The following MASP1 variants were observed in gnomAD, a reference collection of about 807,000 sequenced individuals.
MASP1 encodes the protein mannan-binding lectin serine protease 1.
In MASP1, 59 loss-of-function variants were observed where a neutral mutation model predicts 77.1. The observed-to-expected ratio is 0.77, with a 90% CI of 0.62 to 0.95. The LOEUF is 0.95. Among genes scored for constraint, MASP1 ranks in the 40% least tolerant of loss-of-function variants. MASP1 has a pLI of 0.00. For missense variants in MASP1, 885 were observed against 912.9 expected, an observed-to-expected ratio of 0.97 and a Z score of 0.39; for synonymous variants, 362 against 354.5, an observed-to-expected ratio of 1.02 and a Z score of -0.24.
intron 15 of MASP1, chr3:187,220,942 C>G (rs994374893): frequency 5.7e-5 from 58 of 1,021,116 alleles, no homozygotes; most frequent in Non-Finnish European, 8.2e-5. Context: ...CACTGCCAGC[C>G]CACCAGGTTG....
At position 187,234,559 on chromosome 3, in the gene MASP1, G is replaced by A. The variant is rs1712980182; in HGVS notation, c.*1125C>T. The A allele has an allele frequency of 7.8e-7, 1 of 1,287,238 alleles. No individual in the cohort carries two copies. Among genetic ancestry groups the A allele is most frequent in the East Asian group, 5.5e-5 (1 of 18,024 alleles). 79.7% of individuals were successfully genotyped at this position (1,287,238 alleles called of 1,614,324 possible). A position where few individuals can be genotyped will look rare whatever the true frequency, so the allele number is the denominator to read the frequency against. On this transcript the variant is annotated 3_prime_UTR_variant, in exon 11 of 11. Coordinates refer to ENST00000296280, the MANE Select transcript of MASP1 (RefSeq NM_139125.4). The stretch of plus-strand genomic sequence containing the variant: ...GGACTCCTGGCTCTTTTCACTGCCT[G>A]CCATGGGTGAGCCTCTGATTCCTTT...
In MASP1 at chr3:187,234,650, A is replaced by C; in HGVS notation, c.*1034T>G. On this transcript the variant is annotated 3_prime_UTR_variant, in exon 11 of 11. Coordinates refer to ENST00000296280, the MANE Select transcript of MASP1 (RefSeq NM_139125.4). ...GCGGGGTGGATTCTCCGCCCAGCTCATGCCCCAGGGATGCCAGGCAGCCTG... is the reference window on the plus strand; with the variant it reads ...GCGGGGTGGATTCTCCGCCCAGCTCCTGCCCCAGGGATGCCAGGCAGCCTG... The C allele has an allele frequency of 7.8e-7, 1 of 1,287,184 alleles. No homozygotes were observed. Among genetic ancestry groups the C allele is most frequent in the South Asian group, 1.2e-5 (1 of 80,934 alleles). 79.7% of individuals were successfully genotyped at this position (1,287,184 alleles called of 1,614,324 possible). A position where few individuals can be genotyped will look rare whatever the true frequency, so the allele number is the denominator to read the frequency against.
intron 5 of MASP1, among the ~76,000 whole-genome samples, chr3:187,254,158 T>C (rs1714869689): frequency 6.6e-6 from 1 of 152,158 alleles, no homozygotes; most frequent in South Asian, 2.1e-4. Flanking sequence ...AAAATAATTG[T>C]AGGCTGTCAT....
chr3:187,221,864 G>T (rs1712081238), intron 14 of MASP1, among the ~76,000 whole-genome samples: 1 of 152,134 alleles, frequency 6.6e-6, no homozygotes, highest in Non-Finnish European at 1.5e-5. Context: ...TAAAAATAAG[G>T]CATTGTGACT....
rs770855353 is a variant in MASP1, at chr3:187,241,532, CTTGGG to C, written c.1247_1251del (p.Ala416GlyfsTer6). On this transcript the variant is annotated frameshift_variant, in exon 10 of 11. Coordinates refer to ENST00000296280, the MANE Select transcript of MASP1 (RefSeq NM_139125.4). LOFTEE classifies it high-confidence loss of function. ...CCCAATACTTTATTCATCCAGACTCCTTGGGCAGAACAGGTATATATACCTGGATT... is the reference window on the plus strand; with the variant it reads ...CCCAATACTTTATTCATCCAGACTCCCAGAACAGGTATATATACCTGGATT... 6 of 1,613,548 alleles carry C rather than the reference CTTGGG, an allele frequency of 3.7e-6. No individual in the cohort carries two copies. The highest frequency in any genetic ancestry group is 3.3e-5 in the Admixed American group (2 of 59,986).
intron 6 of MASP1, among the ~76,000 whole-genome samples, chr3:187,252,020 T>C (rs140977625): frequency 1.3e-5 from 2 of 152,336 alleles, no homozygotes; most frequent in Non-Finnish European, 2.9e-5. Flanking sequence ...ATGTTAAATG[T>C]CATTAAATCC....
chr3:187,283,603 A>T (rs1390168215), intron 2 of MASP1, among the ~76,000 whole-genome samples: 1 of 152,210 alleles, frequency 6.6e-6, no homozygotes, highest in Non-Finnish European at 1.5e-5. Context: ...TGAGCAAAAA[A>T]ATTCTATAAT....
intron 2 of MASP1, among the ~76,000 whole-genome samples, chr3:187,270,522 C>G (rs1716434507): frequency 6.6e-6 from 1 of 152,144 alleles, no homozygotes; most frequent in Non-Finnish European, 1.5e-5. Context: ...CCACCATGCT[C>G]CCTGGCTATA....
intron 2 of MASP1, among the ~76,000 whole-genome samples, chr3:187,271,525 GA>G (rs1716515394): frequency 2.0e-5 from 3 of 152,144 alleles, no homozygotes; most frequent in African/African-American, 7.2e-5. Flanking sequence ...AATATTAAGT[GA>G]AAAAGCAGAA....
chr3:187,281,175 G>A (rs1270254113), intron 2 of MASP1, among the ~76,000 whole-genome samples: 1 of 152,244 alleles, frequency 6.6e-6, no homozygotes, highest in East Asian at 1.9e-4. Flanking sequence ...AGATGCTGCT[G>A]TGCAGATGTG....
chr3:187,218,181 C>G (rs191892721), exon 16 of MASP1: 3 of 152,358 alleles, frequency 2.0e-5, no homozygotes, highest in African/African-American at 7.2e-5. Context: ...CATGACTTTC[C>G]AAAGCAGCAC....
rs1711959710 is a variant in MASP1, at chr3:187,220,228, C to A, written c.1943G>T (p.Gly648Val). 14 of 1,614,148 alleles carry A rather than the reference C, an allele frequency of 8.7e-6. No homozygotes were observed. The highest frequency in any genetic ancestry group is 1.2e-5 in the Non-Finnish European group (14 of 1,180,010). ...TTCTCTATTCAGGGTCACCATGGGG[C>A]CTCCAGAGTCACCCGCACAGGCGTC... Residue 648 changes from glycine to valine, a missense_variant, in exon 16 of 16, where the codon GGC becomes GTC. Transcript: ENST00000337774.
At position 187,235,895 on chromosome 3, in the gene MASP1, G is replaced by T. The variant is rs757937866; in HGVS notation, c.1976C>A (p.Thr659Lys). ...CAGYYEGGKDTCLGDSGGAFV... is the reference protein window; with the variant it reads ...CAGYYEGGKDKCLGDSGGAFV... ...GGCCCCACCGCTATCTCCAAGGCAC[G>T]TGTCTTTGCCGCCCTCGTAGTAGCC... Residue 659 changes from threonine to lysine, a missense_variant, in exon 11 of 11, where the codon ACG becomes AAG. Coordinates refer to ENST00000296280, the MANE Select transcript of MASP1 (RefSeq NM_139125.4). 17 of 1,614,098 alleles carry T rather than the reference G, an allele frequency of 1.1e-5. No individual in the cohort carries two copies. The African/African-American group carries it at 1.5e-4, about 14-fold the overall frequency.
chr3:187,277,023 G>C (rs62292760), intron 2 of MASP1, among the ~76,000 whole-genome samples: 38,069 of 152,044 alleles, frequency 0.25, 5,671 homozygotes, highest in Middle Eastern at 0.36. Flanking sequence ...TACACAGCAG[G>C]ATGCAGACTG....
chr3:187,236,097 C>T lies in MASP1; in HGVS notation c.1774G>A (p.Gly592Ser), dbSNP rs764178335. 35 of 1,613,878 alleles carry T rather than the reference C, an allele frequency of 2.2e-5. No individual in the cohort carries two copies. Among genetic ancestry groups the T allele is most frequent in the East Asian group, 4.5e-5 (2 of 44,900 alleles). Residue 592 changes from glycine (G) to serine (S), a missense_variant, in exon 11 of 11, where the codon GGC becomes AGC. Physicochemically the swap from Gly to Ser is moderately conservative, Grantham distance 56 (BLOSUM62 0). Transcript: ENST00000296280. ...ACATTGGGATTGGAGATGCCCCAGC[C>T]GGCCACCAGGCCCAGCATGTGGGGG... ...PAPHMLGLVA[G>S]WGISNPNVTV...
At chr3:187,223,026 C>T (rs1712160507) in intron 14 of MASP1, 3 of 1,053,306 alleles carry the variant, frequency 2.8e-6, no homozygotes, top group Non-Finnish European at 4.4e-6. Context: ...ACTCACCAAC[C>T]CCCACCCAAG....
chr3:187,284,656 T>C (rs1361488483), intron 2 of MASP1, among the ~76,000 whole-genome samples: 2 of 152,146 alleles, frequency 1.3e-5, no homozygotes, highest in African/African-American at 4.8e-5. Context: ...GGAGAATAGC[T>C]TGGGAGTTGT....
At chr3:187,267,708 A>G (rs578092143) in intron 2 of MASP1, among the ~76,000 whole-genome samples, 2 of 152,320 alleles carry the variant, frequency 1.3e-5, no homozygotes, top group Non-Finnish European at 2.9e-5. Flanking sequence ...TACAGCCAAC[A>G]GCTTCTCAGA....
At chr3:187,221,008 CT>C (rs779329813) in intron 15 of MASP1, 2 of 1,582,274 alleles carry the variant, frequency 1.3e-6, no homozygotes, top group African/African-American at 2.7e-5. Context: ...GGCAGCGCCC[CT>C]GTTGTATGCC....
Sources: allele counts gnomAD v4.1 joint callset (sites outside exome capture counted in the v4.1 genomes callset), GRCh38; gene constraint gnomAD v4.1.1; transcripts MANE v1.5; gene names NCBI Gene and HGNC (gene_info 2026-07-23, HGNC 2026-07-21).